Variants in KIF3B observed in about 807,000 individuals in gnomAD.
KIF3B encodes the protein kinesin-like protein KIF3B.
KIF3B carries 38 observed loss-of-function variants against 74.3 expected under a neutral mutation model. That is an observed-to-expected ratio of 0.51 (90% confidence interval 0.39 to 0.67). The LOEUF (loss-of-function observed/expected upper bound fraction) is 0.67. KIF3B is among the 30% of genes least tolerant of loss of function. The pLI, the probability that KIF3B is intolerant of heterozygous loss-of-function variation, is 0.00. For missense variants in KIF3B, 649 were observed against 932.0 expected (o/e 0.70, Z 3.95); for synonymous variants, 326 against 342.5 (o/e 0.95, Z 0.53).
At chr20:32,292,007 T>G (rs1342679682) in intron 1 of KIF3B, among the ~76,000 whole-genome samples, 2 of 151,992 alleles carry the variant, frequency 1.3e-5, no homozygotes, top group South Asian at 4.1e-4. Context: ...CTCAAACTCT[T>G]AGGCGGCTCA....
chr20:32,318,547 A>C (rs1178051530), intron 5 of KIF3B, among the ~76,000 whole-genome samples: 2 of 152,206 alleles, frequency 1.3e-5, no homozygotes, highest in Non-Finnish European at 2.9e-5. Flanking sequence ...ATATAAATGG[A>C]ATCACACACT....
intron 1 of KIF3B, among the ~76,000 whole-genome samples, chr20:32,281,325 A>G (rs1410307381): frequency 6.6e-6 from 1 of 152,196 alleles, no homozygotes; most frequent in Non-Finnish European, 1.5e-5. Flanking sequence ...CTGTCTTCAA[A>G]TTCAGTGTAC....
chr20:32,330,179 C>T lies in KIF3B; in HGVS notation c.2007C>T (p.Ser669=). Reference sequence around the variant, plus strand: ...TGCTGTTAGAGCTGGACATGCCCAGCCGGACCACCAGAGACTATGAGGGTC... The same window carrying T: ...TGCTGTTAGAGCTGGACATGCCCAGTCGGACCACCAGAGACTATGAGGGTC... ...NIVLLELDMP[S]RTTRDYEGPA... The change falls in exon 8 of 9, where the codon AGC becomes AGT. Residue 669 remains serine, a synonymous_variant. Transcript: ENST00000375712. The T allele has an allele frequency of 6.2e-7, 1 of 1,613,920 alleles. No individual in the cohort carries two copies. Among genetic ancestry groups the T allele is most frequent in the South Asian group, 1.1e-5 (1 of 91,054 alleles).
At chr20:32,325,125 A>G (rs1481282386) in intron 5 of KIF3B, among the ~76,000 whole-genome samples, 2 of 152,106 alleles carry the variant, frequency 1.3e-5, no homozygotes, top group Admixed American at 1.3e-4. Context: ...ATATACCAAC[A>G]TAATAATAAT....
intron 1 of KIF3B, among the ~76,000 whole-genome samples, chr20:32,303,949 C>G (rs1282208072): frequency 2.0e-5 from 3 of 151,788 alleles, no homozygotes; most frequent in African/African-American, 7.3e-5. Flanking sequence ...CTGGAATGAC[C>G]CTCTGACAAG....
chr20:32,292,636 T>C (rs2122664296), intron 1 of KIF3B, among the ~76,000 whole-genome samples: 1 of 149,474 alleles, frequency 6.7e-6, no homozygotes, highest in African/African-American at 2.5e-5. Context: ...CGCACGCCTG[T>C]AGTCCCAGCT....
At chr20:32,306,581 CTTTTTTTTTT>C (rs935086574) in intron 1 of KIF3B, among the ~76,000 whole-genome samples, 19 of 82,862 alleles carry the variant, frequency 2.3e-4, no homozygotes, top group Admixed American at 3.7e-4. Flanking sequence ...AGTTTTTCCT[CTTTTTTTTTT>C]TTTTTTTTTT....
intron 2 of KIF3B, among the ~76,000 whole-genome samples, chr20:32,315,264 C>G (rs1422808342): frequency 6.6e-6 from 1 of 152,208 alleles, no homozygotes; most frequent in East Asian, 1.9e-4. Flanking sequence ...AGTTTAGTCT[C>G]CTTGACAGGG....
In KIF3B at chr20:32,310,887, A is replaced by G. The variant is rs759119265; in HGVS notation, c.1110A>G (p.Glu370=). 1 of 1,613,986 alleles carries G rather than the reference A, an allele frequency of 6.2e-7. No homozygotes were observed. The highest frequency in any genetic ancestry group is 8.5e-7 in the Non-Finnish European group (1 of 1,179,984). Residue 370 remains glutamate, a synonymous_variant, in exon 2 of 9, where the codon GAA becomes GAG. Transcript: ENST00000375712. This position sits in a 1 kb window ranked among gnomAD's most constrained non-coding sequence, Gnocchi z 6.5. ...TTGCTCGGCTCAAGGCCCAGCTGGA[A>G]AAACGGTCCATTGGTAGGAGGAAGA... is the stretch of plus-strand genomic sequence containing the variant. ...EEIARLKAQL[E]KRSIGRRKRR...
At position 32,331,360 on chromosome 20, in the gene KIF3B, T is replaced by C. The variant is rs2122722686; in HGVS notation, c.*41T>C. On this transcript the variant is annotated 3_prime_UTR_variant, in exon 9 of 9. Transcript: ENST00000375712. ...TCCCAGGGCGGAAACAGCATTTGCCTTCTGAGAGAAGAGACTAGCAAAAAG... is the reference window on the plus strand; with the variant it reads ...TCCCAGGGCGGAAACAGCATTTGCCCTCTGAGAGAAGAGACTAGCAAAAAG... 6.6e-7 allele frequency: 1 copy of C among 1,508,330 alleles called. No individual in the cohort carries two copies. Among genetic ancestry groups the C allele is most frequent in the East Asian group, 2.3e-5 (1 of 44,116 alleles). The allele number at this position is 1,508,330 out of a possible 1,614,324, so 93.4% of individuals were successfully genotyped here.
intron 1 of KIF3B, among the ~76,000 whole-genome samples, chr20:32,305,655 T>C (rs2047766821): frequency 7.0e-6 from 1 of 143,280 alleles, no homozygotes; most frequent in African/African-American, 2.6e-5. Context: ...CAATCTTGGC[T>C]CACTGCAGCC....
chr20:32,311,370 C>T (rs2047799745), intron 2 of KIF3B, among the ~76,000 whole-genome samples, 189 bp downstream of exon 2: 1 of 151,582 alleles, frequency 6.6e-6, no homozygotes, highest in Non-Finnish European at 1.5e-5. Context: ...TTCACATTTA[C>T]AAAAATGAAA....
chr20:32,312,391 C>G (rs2047805693), intron 2 of KIF3B, among the ~76,000 whole-genome samples: 1 of 152,142 alleles, frequency 6.6e-6, no homozygotes, highest in South Asian at 2.1e-4. Flanking sequence ...AGGCGTGAGC[C>G]ACTGCACCCA....
intron 2 of KIF3B, among the ~76,000 whole-genome samples, chr20:32,314,855 T>A (rs926165073): frequency 6.6e-6 from 1 of 152,172 alleles, no homozygotes; most frequent in African/African-American, 2.4e-5. Flanking sequence ...TAGCACTGTC[T>A]CCTGCCATCC....
intron 4 of KIF3B, 30 bp from the exon 5 acceptor site, chr20:32,316,726 C>T: frequency 6.2e-7 from 1 of 1,612,750 alleles, no homozygotes; most frequent in Non-Finnish European, 8.5e-7. Context: ...GGACAGACAC[C>T]CTCCTCACCT....
chr20:32,334,007 A>G lies in KIF3B; in HGVS notation c.*2688A>G, dbSNP rs770906099. ...ATTGAGCCAAATATGTAGAGGACCTACCAAGCCCACTGAGGGACTAGGTTT... is the reference window on the plus strand; with the variant it reads ...ATTGAGCCAAATATGTAGAGGACCTGCCAAGCCCACTGAGGGACTAGGTTT... On this transcript the variant is annotated 3_prime_UTR_variant, in exon 9 of 9. Transcript: ENST00000375712. The G allele has an allele frequency of 2.6e-5, 4 of 152,610 alleles. No homozygotes were observed. The highest frequency in any genetic ancestry group is 4.4e-5 in the Non-Finnish European group (3 of 68,056). The allele number at this position is 152,610 out of a possible 1,614,324, so 9.5% of individuals were successfully genotyped here.
Position 32,310,047 on chromosome 20 carries a change from A to G in KIF3B, c.270A>G (p.Gly90=). The part of the protein sequence containing the change: ...LVDSVLQGFN[G]TIFAYGQTGT... The stretch of plus-strand genomic sequence containing the variant: ...ACTCTGTCCTGCAAGGTTTCAATGG[A>G]ACCATTTTTGCCTATGGACAAACTG... The change falls in exon 2 of 9, where the codon GGA becomes GGG. Residue 90 remains glycine, a synonymous_variant. Transcript: ENST00000375712. This position sits in a 1 kb window ranked among gnomAD's most constrained non-coding sequence, Gnocchi z 6.5. The G allele has an allele frequency of 6.2e-7, 1 of 1,614,180 alleles. No homozygotes were observed. The highest frequency in any genetic ancestry group is 8.5e-7 in the Non-Finnish European group (1 of 1,180,030).
At position 32,310,647 on chromosome 20, in the gene KIF3B, T is replaced by C. The variant is rs1004940505; in HGVS notation, c.870T>C (p.Ile290=). ...SALVDGKSTH[I]PYRDSKLTRL... ...TAGTGGACGGCAAAAGCACTCACATTCCATATCGGGACTCAAAGCTTACCA... is the reference window on the plus strand; with the variant it reads ...TAGTGGACGGCAAAAGCACTCACATCCCATATCGGGACTCAAAGCTTACCA... The change falls in exon 2 of 9, where the codon ATT becomes ATC. Residue 290 remains isoleucine (I), a synonymous_variant. Coordinates refer to ENST00000375712, the MANE Select transcript of KIF3B (RefSeq NM_004798.4). This position sits in a 1 kb window ranked among gnomAD's most constrained non-coding sequence, Gnocchi z 6.5. 2 of 1,613,926 alleles carry C rather than the reference T, an allele frequency of 1.2e-6. No homozygotes were observed. The highest frequency in any genetic ancestry group is 2.7e-5 in the African/African-American group (2 of 74,856).
chr20:32,279,184 A>G (rs1173867762), intron 1 of KIF3B, among the ~76,000 whole-genome samples: 1 of 151,986 alleles, frequency 6.6e-6, no homozygotes, highest in Non-Finnish European at 1.5e-5. Context: ...CGGCCTCCCA[A>G]AGTGCTAGGA....
Sources: gnomAD v4.1 joint callset for allele counts (sites outside exome capture counted in the v4.1 genomes callset) on GRCh38, gnomAD v4.1.1 for gene constraint, Gnocchi (gnomAD v3.1) non-coding constraint, MANE v1.5 for transcripts, NCBI Gene and HGNC (gene_info 2026-07-23, HGNC 2026-07-21) for gene names.